CDH13: variants seen among roughly 807,000 people sequenced by gnomAD.
CDH13 encodes the protein cadherin 13, also known as cadherin-13.
A neutral mutation model predicts 63.8 loss-of-function variants in CDH13; 24 were observed. That is an observed-to-expected ratio of 0.38 (90% CI 0.27 to 0.53). The LOEUF (loss-of-function observed/expected upper bound fraction) is 0.53. Ranked by LOEUF, CDH13 falls within the 20% of genes least tolerant of loss-of-function variation. The probability of loss-of-function intolerance (pLI) is 0.85; values close to 1 mark genes in which losing one functional copy is unlikely to be tolerated. For missense variants in CDH13, 1,049 were observed against 903.1 expected (o/e 1.16, Z -2.07); for synonymous variants, 503 against 355.3 (o/e 1.42, Z -4.67).
chr16:83,680,269 C>G (rs956895423), intron 10 of CDH13, among the ~76,000 whole-genome samples: 3 of 152,142 alleles, frequency 2.0e-5, no homozygotes, highest in African/African-American at 4.8e-5. Context: ...GCAGCTCTGC[C>G]TTGCTGGAGC....
intron 6 of CDH13, among the ~76,000 whole-genome samples, chr16:83,447,657 G>A (rs1202273125): frequency 1.3e-5 from 2 of 152,002 alleles, no homozygotes; most frequent in East Asian, 3.8e-4. Flanking sequence ...AATAAACCAA[G>A]TGTGAGAGTA....
intron 7 of CDH13, among the ~76,000 whole-genome samples, chr16:83,540,719 T>C (rs1183747662): frequency 6.6e-6 from 1 of 152,206 alleles, no homozygotes; most frequent in African/African-American, 2.4e-5. Context: ...GTAACTGTTG[T>C]AGTGACTGGT....
At chr16:82,835,544 C>T (rs899905835) in intron 1 of CDH13, among the ~76,000 whole-genome samples, 1 of 152,188 alleles carries the variant, frequency 6.6e-6, no homozygotes, top group Non-Finnish European at 1.5e-5. Context: ...GCTCCTCTTT[C>T]TGGCCTTACC....
At chr16:82,843,100 T>C (rs896177784) in intron 1 of CDH13, among the ~76,000 whole-genome samples, 2 of 152,226 alleles carry the variant, frequency 1.3e-5, no homozygotes, top group African/African-American at 4.8e-5. Context: ...ATCCTTGTAT[T>C]AGATTACTAA....
intron 7 of CDH13, among the ~76,000 whole-genome samples, chr16:83,536,166 C>T (rs1356137384): frequency 1.3e-5 from 2 of 152,106 alleles, no homozygotes; most frequent in Admixed American, 6.6e-5. Context: ...ATACTGTGAG[C>T]CAAAACTATG....
intron 6 of CDH13, among the ~76,000 whole-genome samples, chr16:83,406,633 T>C (rs2092052211): frequency 2.0e-5 from 3 of 152,094 alleles, no homozygotes; most frequent in South Asian, 4.1e-4. Flanking sequence ...GGCCAGCTAA[T>C]TTTTGTATTT....
chr16:82,962,646 C>A (rs1364065955), intron 2 of CDH13, among the ~76,000 whole-genome samples: 1 of 152,150 alleles, frequency 6.6e-6, no homozygotes, highest in African/African-American at 2.4e-5. Flanking sequence ...CTCTGAACCC[C>A]TGGCCAGGGC....
intron 7 of CDH13, among the ~76,000 whole-genome samples, chr16:83,535,157 A>C (rs1017659133): frequency 1.3e-5 from 2 of 152,256 alleles, no homozygotes; most frequent in Non-Finnish European, 2.9e-5. Context: ...AGACCAGAGC[A>C]TAAGGGGTGC....
chr16:83,242,342 G>C (rs1394248423), intron 5 of CDH13, among the ~76,000 whole-genome samples: 1 of 152,190 alleles, frequency 6.6e-6, no homozygotes, highest in East Asian at 1.9e-4. Flanking sequence ...CAATGACTGA[G>C]AGACACAGGT....
chr16:82,823,534 AC>A (rs2038103038), intron 1 of CDH13: 1 of 152,240 alleles, frequency 6.6e-6, no homozygotes, highest in Non-Finnish European at 1.5e-5. Context: ...TGCTGGCATA[AC>A]CACTTGATAG....
chr16:82,862,221 C>T (rs1055675301), intron 2 of CDH13, among the ~76,000 whole-genome samples: 1 of 152,152 alleles, frequency 6.6e-6, no homozygotes, highest in African/African-American at 2.4e-5. Flanking sequence ...AATTGGACAG[C>T]AACCCTGGTT....
intron 9 of CDH13, among the ~76,000 whole-genome samples, chr16:83,671,437 T>C (rs772388181): frequency 1.3e-5 from 2 of 152,040 alleles, no homozygotes; most frequent in Non-Finnish European, 2.9e-5. Context: ...TTAGTAGAGA[T>C]GAGGTCTCAC....
intron 8 of CDH13, among the ~76,000 whole-genome samples, chr16:83,664,184 C>T (rs4782833): frequency 0.16 from 23,941 of 151,862 alleles, 2,113 homozygotes; most frequent in East Asian, 0.27. Context: ...AAAAGATGCT[C>T]ACCAATGACT....
At chr16:83,328,516 A>G (rs1171873034) in intron 5 of CDH13, among the ~76,000 whole-genome samples, 6 of 152,222 alleles carry the variant, frequency 3.9e-5, no homozygotes, top group Admixed American at 2.0e-4. Flanking sequence ...TACGTATTCA[A>G]AGATCGTGTG....
At chr16:83,424,400 C>T (rs572892792) in intron 6 of CDH13, among the ~76,000 whole-genome samples, 1 of 152,328 alleles carries the variant, frequency 6.6e-6, no homozygotes, top group East Asian at 1.9e-4. Context: ...TTTAATCACA[C>T]AAGCAGCCTT....
chr16:83,368,027 G>T (rs956048653), intron 6 of CDH13, among the ~76,000 whole-genome samples: 6 of 152,146 alleles, frequency 3.9e-5, no homozygotes, highest in African/African-American at 9.7e-5. Context: ...AAGTATATTT[G>T]ATGATATTGT....
chr16:82,703,256 C>G (rs2031203003), intron 1 of CDH13, among the ~76,000 whole-genome samples: 1 of 152,152 alleles, frequency 6.6e-6, no homozygotes, highest in South Asian at 2.1e-4. Context: ...ATGTAACACA[C>G]TCAGGGCTGC....
chr16:83,292,787 TTATA>T, intron 5 of CDH13, among the ~76,000 whole-genome samples: 1 of 152,282 alleles, frequency 6.6e-6, no homozygotes. Flanking sequence ...GCTTGAACGA[TTATA>T]TTAGTTTAGC....
chr16:82,899,545 G>A (rs1041324278), intron 2 of CDH13, among the ~76,000 whole-genome samples: 9 of 151,942 alleles, frequency 5.9e-5, no homozygotes, highest in African/African-American at 1.9e-4. Flanking sequence ...CCCTAGTTTC[G>A]GAACTCAGAA....
Sources: allele counts gnomAD v4.1 joint callset (sites outside exome capture counted in the v4.1 genomes callset), GRCh38; gene constraint gnomAD v4.1.1; transcripts MANE v1.5; gene names NCBI Gene and HGNC (gene_info 2026-07-23, HGNC 2026-07-21).